The following SHANK2 variants were observed in gnomAD, a reference collection of about 807,000 sequenced individuals.
SHANK2 encodes SH3 and multiple ankyrin repeat domains protein 2.
SHANK2 carries 43 observed loss-of-function variants against 133.7 expected under a neutral mutation model. The ratio of observed to expected loss-of-function variants is 0.32; its 90% confidence interval spans 0.25 to 0.41. SHANK2 has a LOEUF of 0.41. Ranked by LOEUF, SHANK2 falls within the 10% of genes least tolerant of loss-of-function variation. The pLI is 1.00. For missense variants in SHANK2, 1,994 were observed against 2,235.8 expected (o/e 0.89, Z 2.18); for synonymous variants, 1,017 against 952.8 (o/e 1.07, Z -1.24).
At chr11:71,182,852 CT>C (rs1201514109) in intron 2 of SHANK2, among the ~76,000 whole-genome samples, 1 of 152,176 alleles carries the variant, frequency 6.6e-6, no homozygotes, top group Admixed American at 6.5e-5. Flanking sequence ...CTTCCCTAAG[CT>C]CAATGTTTCT....
chr11:70,501,102 C>T (rs1458429932), intron 20 of SHANK2, among the ~76,000 whole-genome samples: 1 of 151,520 alleles, frequency 6.6e-6, no homozygotes, highest in Non-Finnish European at 1.5e-5. Context: ...CTGGTCACCT[C>T]CTCCGTCGCC....
At chr11:70,583,206 G>A (rs2060206246) in intron 17 of SHANK2, among the ~76,000 whole-genome samples, 1 of 152,174 alleles carries the variant, frequency 6.6e-6, no homozygotes, top group South Asian at 2.1e-4. Flanking sequence ...CTCCAAAGAT[G>A]GGGGATTCCC....
intron 14 of SHANK2, among the ~76,000 whole-genome samples, chr11:70,743,662 C>T (rs1436619154): frequency 1.3e-5 from 2 of 152,102 alleles, no homozygotes; most frequent in Non-Finnish European, 2.9e-5. Flanking sequence ...CAGCAGTTAC[C>T]CTACACAGAG....
At chr11:70,717,603 T>A (rs1215553638) in intron 14 of SHANK2, among the ~76,000 whole-genome samples, 1 of 152,164 alleles carries the variant, frequency 6.6e-6, no homozygotes, top group Non-Finnish European at 1.5e-5. Flanking sequence ...CCCACGGTCC[T>A]CCCGTCCCCG....
intron 14 of SHANK2, among the ~76,000 whole-genome samples, chr11:70,794,172 T>G (rs1459152837): frequency 6.6e-6 from 1 of 151,038 alleles, no homozygotes; most frequent in African/African-American, 2.4e-5. Context: ...TCCCAGCTAC[T>G]AGGGAGGCTG....
chr11:70,589,077 A>T (rs2060289704), intron 17 of SHANK2, among the ~76,000 whole-genome samples: 1 of 152,222 alleles, frequency 6.6e-6, no homozygotes. Context: ...TCGGCCTCCC[A>T]AAGTGCTGGG....
intron 10 of SHANK2, among the ~76,000 whole-genome samples, chr11:70,946,476 C>A (rs1590861905): frequency 6.6e-6 from 1 of 151,150 alleles, no homozygotes; most frequent in Admixed American, 6.6e-5. Context: ...CAACTCTTCC[C>A]CAGCATCAGC....
intron 17 of SHANK2, among the ~76,000 whole-genome samples, chr11:70,636,119 T>C (rs533547): frequency 0.42 from 63,668 of 152,028 alleles, 13,724 homozygotes; most frequent in Middle Eastern, 0.49. Flanking sequence ...CCCTGACCAC[T>C]CTGTCGACAA....
At chr11:71,157,022 G>C (rs1321633843) in intron 2 of SHANK2, among the ~76,000 whole-genome samples, 1 of 152,226 alleles carries the variant, frequency 6.6e-6, no homozygotes, top group Non-Finnish European at 1.5e-5. Flanking sequence ...TGTAAATGAC[G>C]AGTTAATGGG....
chr11:71,121,434 G>A (rs1427265369), intron 3 of SHANK2, among the ~76,000 whole-genome samples: 4 of 152,210 alleles, frequency 2.6e-5, no homozygotes, highest in Middle Eastern at 3.2e-3. Flanking sequence ...CAATAACTGT[G>A]TCCTTAAAAA....
At chr11:70,708,729 G>A (rs1192484005) in intron 14 of SHANK2, among the ~76,000 whole-genome samples, 4 of 152,210 alleles carry the variant, frequency 2.6e-5, no homozygotes, top group African/African-American at 9.6e-5. Flanking sequence ...AGGGGTCCCA[G>A]ATGATAATAT....
At chr11:70,852,599 C>T (rs1949103185) in intron 11 of SHANK2, among the ~76,000 whole-genome samples, 1 of 152,216 alleles carries the variant, frequency 6.6e-6, no homozygotes. Context: ...AATCCCAGCA[C>T]TTTGGGAGGC....
intron 17 of SHANK2, among the ~76,000 whole-genome samples, chr11:70,639,927 C>T (rs967821456): frequency 3.9e-5 from 6 of 152,274 alleles, no homozygotes; most frequent in Non-Finnish European, 8.8e-5. Flanking sequence ...AAGGAAGGGG[C>T]TAGGTCTCAG....
At position 70,487,009 on chromosome 11, in the gene SHANK2, G is replaced by A. The variant is rs782404467; in HGVS notation, c.3284C>T (p.Ala1095Val). 3 of 1,610,250 alleles carry A rather than the reference G, an allele frequency of 1.9e-6. No homozygotes were observed. Among genetic ancestry groups the A allele is most frequent in the Non-Finnish European group, 1.7e-6 (2 of 1,179,712 alleles). The stretch of plus-strand genomic sequence containing the variant: ...GAGGAAGGCCGGGGAGTTCCTCCTG[G>A]CTTCCAGCCGCTTCTCACGGTCGCG... Reference protein sequence around the residue: ...AVRDREKRLEARRNSPAFLST... With the variant: ...AVRDREKRLEVRRNSPAFLST... Residue 1095 changes from alanine (A) to valine (V), a missense_variant, in exon 25 of 26, where the codon GCC (alanine) becomes GTC (valine). By Grantham distance (64) the Ala-to-Val change is moderately conservative (BLOSUM62 0). Coordinates refer to ENST00000601538, the MANE Select transcript of SHANK2 (RefSeq NM_012309.5). This position sits in a 1 kb window ranked among gnomAD's most constrained non-coding sequence, Gnocchi z 5.8.
intron 15 of SHANK2, among the ~76,000 whole-genome samples, chr11:70,697,376 G>A (rs1479942075): frequency 1.3e-5 from 2 of 152,210 alleles, no homozygotes; most frequent in Non-Finnish European, 2.9e-5. Context: ...ATGATGCAGC[G>A]TGGAAGAGGC....
chr11:71,116,977 G>A (rs1308033146), intron 4 of SHANK2, among the ~76,000 whole-genome samples: 12 of 152,162 alleles, frequency 7.9e-5, no homozygotes, highest in African/African-American at 2.7e-4. Flanking sequence ...CTGCAGAACC[G>A]TGGGCCAATT....
At chr11:70,884,646 T>C (rs1337631884) in intron 11 of SHANK2, among the ~76,000 whole-genome samples, 4 of 152,236 alleles carry the variant, frequency 2.6e-5, no homozygotes, top group Admixed American at 2.6e-4. Flanking sequence ...GCCTACGGTG[T>C]CCGGTCCCCC....
intron 1 of SHANK2, among the ~76,000 whole-genome samples, chr11:71,225,284 G>A (rs535198282): frequency 1.7e-3 from 262 of 152,312 alleles, no homozygotes; most frequent in African/African-American, 6.1e-3. Flanking sequence ...AGCAAAGGCC[G>A]AGTAGGGAGT....
intron 11 of SHANK2, among the ~76,000 whole-genome samples, chr11:70,893,564 A>G (rs1337218915): frequency 6.6e-6 from 1 of 152,248 alleles, no homozygotes; most frequent in Non-Finnish European, 1.5e-5. Context: ...AACTTTCAAC[A>G]CAATTGATCT....
Sources: gnomAD v4.1 joint callset for allele counts (sites outside exome capture counted in the v4.1 genomes callset) on GRCh38, gnomAD v4.1.1 for gene constraint, Gnocchi (gnomAD v3.1) non-coding constraint, MANE v1.5 for transcripts, NCBI Gene and HGNC (gene_info 2026-07-23, HGNC 2026-07-21) for gene names.